The following ATXN1 variants were observed in gnomAD, a reference collection of about 807,000 sequenced individuals.
ATXN1 encodes the protein ataxin-1.
A neutral mutation model predicts 56.4 loss-of-function variants in ATXN1; 8 were observed. The ratio of observed to expected loss-of-function variants is 0.14; its 90% CI spans 0.08 to 0.26. The LOEUF (loss-of-function observed/expected upper bound fraction) is 0.26, where lower values mean the gene tolerates loss of function less well. Among genes scored for constraint, ATXN1 ranks in the 10% least tolerant of loss-of-function variants. The pLI is 1.00. For synonymous variants in ATXN1, 514 were observed against 494.6 expected (o/e 1.04, Z -0.52); for missense variants, 987 against 1,106.5 (o/e 0.89, Z 1.53).
chr6:16,418,856 A>C (rs1216787171), intron 6 of ATXN1, among the ~76,000 whole-genome samples: 39 of 151,974 alleles, frequency 2.6e-4, no homozygotes, highest in Admixed American at 2.6e-3. Context: ...TAAATGATAC[A>C]ACATATTTCT....
Position 16,326,832 on chromosome 6 carries a change from C to G in ATXN1, c.1479G>C (p.Pro493=). The change falls in exon 7 of 8, where the codon CCG becomes CCC. Residue 493 remains proline, a synonymous_variant. Transcript: ENST00000436367. This position sits in a 1 kb window ranked among gnomAD's most constrained non-coding sequence, Gnocchi z 6.6. ...ACGCTTCCATGTCAGTGCTGCCGACCGGGATGAGCAGGGGCTGTGTGCCGG... is the reference window on the plus strand; with the variant it reads ...ACGCTTCCATGTCAGTGCTGCCGACGGGGATGAGCAGGGGCTGTGTGCCGG... ...VIPGTQPLLI[P]VGSTDMEASG... 1.2e-6 allele frequency: 2 copies of G among 1,606,964 alleles called. No homozygotes were observed. The highest frequency in any genetic ancestry group is 1.1e-5 in the South Asian group (1 of 90,588).
chr6:16,391,205 A>C (rs1758348993), intron 6 of ATXN1, among the ~76,000 whole-genome samples: 1 of 151,676 alleles, frequency 6.6e-6, no homozygotes, highest in Admixed American at 6.6e-5. Context: ...TCTTCTGAAA[A>C]CAAGAAAACA....
At chr6:16,471,319 T>C (rs891722777) in intron 6 of ATXN1, among the ~76,000 whole-genome samples, 5 of 152,110 alleles carry the variant, frequency 3.3e-5, no homozygotes, top group Non-Finnish European at 7.4e-5. Context: ...GGAAGTAATT[T>C]TGAATTTTCA....
Position 16,543,823 on chromosome 6 carries a change from T to C in ATXN1, c.-360-21135A>G, listed in dbSNP as rs979950563. On this transcript the variant is annotated intron_variant, in intron 4 of 7. Coordinates refer to ENST00000436367, the MANE Select transcript of ATXN1 (RefSeq NM_001128164.2). ...AGCCAATGACTTCCCATAGGGTCACTAAAGATGCTATTTGTTGGCTAGATT... is the reference window on the plus strand; with the variant it reads ...AGCCAATGACTTCCCATAGGGTCACCAAAGATGCTATTTGTTGGCTAGATT... 6.6e-5 allele frequency among the ~76,000 whole-genome samples: 10 copies of C among 152,132 alleles called. 1 individual carries two copies. Among genetic ancestry groups the C allele is most frequent in the Admixed American group, 6.5e-4 (10 of 15,282 alleles).
chr6:16,493,446 GTT>G (rs1174959883), intron 5 of ATXN1, among the ~76,000 whole-genome samples: 41 of 115,452 alleles, frequency 3.6e-4, no homozygotes, highest in African/African-American at 1.0e-3. Context: ...TCAATCAGAA[GTT>G]TTTTTTTTTT....
chr6:16,528,769 G>C (rs928800880), intron 4 of ATXN1, among the ~76,000 whole-genome samples: 1 of 152,186 alleles, frequency 6.6e-6, no homozygotes, highest in Admixed American at 6.5e-5. Context: ...AAGGTCACCA[G>C]TAAGTGACAA....
intron 2 of ATXN1, among the ~76,000 whole-genome samples, chr6:16,743,248 G>A (rs776321725): frequency 9.2e-5 from 14 of 152,146 alleles, no homozygotes; most frequent in Non-Finnish European, 1.8e-4. Flanking sequence ...ATGATTGAGC[G>A]AATTCAGCAC....
chr6:16,550,000 G>A (rs552663858), intron 4 of ATXN1, among the ~76,000 whole-genome samples: 4 of 151,084 alleles, frequency 2.6e-5, no homozygotes, highest in African/African-American at 7.3e-5. Context: ...AACACACACC[G>A]GGGTCTGTTG....
chr6:16,759,536 T>G (rs998125310), intron 1 of ATXN1, among the ~76,000 whole-genome samples: 1 of 141,914 alleles, frequency 7.0e-6, no homozygotes, highest in South Asian at 2.3e-4. Flanking sequence ...GACTGTTTTT[T>G]TTTTTTTTTT....
chr6:16,594,629 C>T (rs1299926757), intron 3 of ATXN1, among the ~76,000 whole-genome samples: 3 of 151,966 alleles, frequency 2.0e-5, no homozygotes, highest in East Asian at 1.9e-4. Flanking sequence ...ACTACAGGTG[C>T]GCACCACCAC....
At chr6:16,368,343 C>CTTCTTCTTT (rs1354007963) in intron 6 of ATXN1, among the ~76,000 whole-genome samples, 3 of 75,916 alleles carry the variant, frequency 4.0e-5, no homozygotes, top group African/African-American at 1.2e-4. Flanking sequence ...ACTTCTTCTT[C>CTTCTTCTTT]TTTTTTTTTT....
intron 4 of ATXN1, among the ~76,000 whole-genome samples, chr6:16,568,161 A>G (rs949697879): frequency 1.3e-5 from 2 of 152,218 alleles, no homozygotes; most frequent in Non-Finnish European, 2.9e-5. Flanking sequence ...TGTGCAAAAG[A>G]TTTTCATAGC....
intron 7 of ATXN1, among the ~76,000 whole-genome samples, chr6:16,322,410 G>GA (rs1473875709): frequency 2.0e-5 from 3 of 152,058 alleles, no homozygotes; most frequent in African/African-American, 7.2e-5. Context: ...TGTGATGTTG[G>GA]GGGGGTCTTA....
intron 6 of ATXN1, among the ~76,000 whole-genome samples, chr6:16,474,122 A>G (rs1760276777): frequency 6.6e-6 from 1 of 152,130 alleles, no homozygotes; most frequent in African/African-American, 2.4e-5. Context: ...GCCACTCCAA[A>G]CTACTTGCTG....
intron 6 of ATXN1, among the ~76,000 whole-genome samples, chr6:16,358,635 G>A (rs903213307): frequency 6.6e-6 from 1 of 152,226 alleles, no homozygotes; most frequent in Non-Finnish European, 1.5e-5. Flanking sequence ...CATGGAGCTG[G>A]TGGCAGCCCT....
At chr6:16,368,343 C>CT (rs10527935) in intron 6 of ATXN1, among the ~76,000 whole-genome samples, 1,976 of 75,850 alleles carry the variant, frequency 0.026, 29 homozygotes, top group East Asian at 0.049. Flanking sequence ...ACTTCTTCTT[C>CT]TTTTTTTTTT....
At chr6:16,540,962 G>A (rs1761703109) in intron 4 of ATXN1, among the ~76,000 whole-genome samples, 1 of 152,188 alleles carries the variant, frequency 6.6e-6, no homozygotes, top group Non-Finnish European at 1.5e-5. Context: ...GGAAAATGAG[G>A]TTTGGGAAAA....
At chr6:16,395,314 T>C (rs893294639) in intron 6 of ATXN1, among the ~76,000 whole-genome samples, 3 of 141,834 alleles carry the variant, frequency 2.1e-5, no homozygotes, top group African/African-American at 5.3e-5. Flanking sequence ...CAAAAACTCA[T>C]CATCATCCCT....
chr6:16,359,827 A>C (rs1360608541), intron 6 of ATXN1, among the ~76,000 whole-genome samples: 1 of 152,194 alleles, frequency 6.6e-6, no homozygotes, highest in East Asian at 1.9e-4. Context: ...CAGAGATCCT[A>C]TAACAGTATG....
Sources: allele counts gnomAD v4.1 joint callset (sites outside exome capture counted in the v4.1 genomes callset), GRCh38; gene constraint gnomAD v4.1.1; non-coding constraint Gnocchi (gnomAD v3.1); transcripts MANE v1.5; gene names NCBI Gene and HGNC (gene_info 2026-07-23, HGNC 2026-07-21).